Variants in DNA2 observed in about 807,000 individuals in gnomAD.
DNA2 encodes DNA replication ATP-dependent helicase/nuclease DNA2.
A neutral mutation model predicts 119.1 loss-of-function variants in DNA2; 101 were observed. The observed-to-expected ratio is 0.85, with a 90% CI of 0.72 to 1.00. The LOEUF (loss-of-function observed/expected upper bound fraction) is 1.00. DNA2 is among the 50% of genes least tolerant of loss of function. The probability of loss-of-function intolerance (pLI) is 0.00; values close to 1 mark genes in which losing one functional copy is unlikely to be tolerated. For missense variants in DNA2, 1,121 were observed against 1,255.5 expected, an observed-to-expected ratio of 0.89 and a Z score of 1.62; for synonymous variants, 366 against 424.4, an observed-to-expected ratio of 0.86 and a Z score of 1.69.
chr10:68,426,401 G>A (rs1294584606), intron 14 of DNA2, among the ~76,000 whole-genome samples: 2 of 151,948 alleles, frequency 1.3e-5, no homozygotes, highest in Non-Finnish European at 2.9e-5. Context: ...AGCCAGGTAT[G>A]GTGGCTCATG....
chr10:68,432,935 T>C (rs895467673), intron 10 of DNA2, among the ~76,000 whole-genome samples: 1 of 152,144 alleles, frequency 6.6e-6, no homozygotes, highest in South Asian at 2.1e-4. Flanking sequence ...TGGTTCATTG[T>C]ACTACTCTTT....
At chr10:68,448,974 T>C (rs984124237) in intron 6 of DNA2, among the ~76,000 whole-genome samples, 5 of 142,842 alleles carry the variant, frequency 3.5e-5, no homozygotes, top group African/African-American at 8.1e-5. Flanking sequence ...TGTGCGTGTG[T>C]GTGTGTGTGT....
Position 68,445,044 on chromosome 10 carries a change from A to C in DNA2, c.1097T>G (p.Phe366Cys). ...AGTAGCAGATTTGCTAATACGGTGA[A>C]ACAATGAGAATGCCATCTGGTTTCT... is the stretch of plus-strand genomic sequence containing the variant. The part of the protein sequence containing the change: ...KLRNQMAFSL[F>C]HRISKSATRQ... The change falls in exon 8 of 21, where the codon TTT becomes TGT. Residue 366 changes from phenylalanine to cysteine, a missense_variant. Physicochemically the swap from Phe to Cys is radical, Grantham distance 205 (BLOSUM62 -2). Transcript: ENST00000358410. The C allele has an allele frequency of 4.3e-6, 7 of 1,610,390 alleles. No homozygotes were observed. Among genetic ancestry groups the C allele is most frequent in the Non-Finnish European group, 5.9e-6 (7 of 1,178,150 alleles).
At chr10:68,442,400 T>G (rs779545679) in intron 9 of DNA2, among the ~76,000 whole-genome samples, 18 of 149,502 alleles carry the variant, frequency 1.2e-4, no homozygotes, top group Non-Finnish European at 2.2e-4. Context: ...TTGTTTTTGT[T>G]TTTTTGTGAC....
At chr10:68,456,050 C>T (rs968023880) in intron 5 of DNA2, among the ~76,000 whole-genome samples, 1 of 151,836 alleles carries the variant, frequency 6.6e-6, no homozygotes, top group African/African-American at 2.4e-5. Flanking sequence ...GGCAAAACAC[C>T]ATCTCTACAA....
At position 68,470,101 on chromosome 10, in the gene DNA2, C is replaced by T; in HGVS notation, c.137G>A (p.Arg46Gln). ...AGTATTGACTGCCAACACCAGGTAC[C>T]GGTTATCCATTCCTGTGCTCAGAAC... is the stretch of plus-strand genomic sequence containing the variant. ...RTVLSTGMDN[R>Q]YLVLAVNTVQ... The change falls in exon 2 of 21, where the codon CGG becomes CAG. Residue 46 changes from arginine to glutamine, a missense_variant. By Grantham distance (43) the Arg-to-Gln change is conservative. Transcript: ENST00000358410. The T allele has an allele frequency of 1.9e-6, 3 of 1,613,498 alleles. No individual in the cohort carries two copies. Among genetic ancestry groups the T allele is most frequent in the Non-Finnish European group, 2.5e-6 (3 of 1,179,792 alleles).
At chr10:68,424,631 C>T (rs1021952303) in intron 14 of DNA2, 5 of 1,574,180 alleles carry the variant, frequency 3.2e-6, no homozygotes, top group Admixed American at 1.7e-5. Flanking sequence ...CCCCCTTGCA[C>T]GTGCACCGGA....
chr10:68,441,355 A>G (rs983942194), intron 9 of DNA2, among the ~76,000 whole-genome samples: 3 of 147,418 alleles, frequency 2.0e-5, no homozygotes, highest in Non-Finnish European at 4.5e-5. Flanking sequence ...AAAAAAAAAA[A>G]GAAAAATTCT....
upstream of DNA2, chr10:68,472,064 G>T: frequency 6.3e-7 from 1 of 1,593,722 alleles, no homozygotes; most frequent in East Asian, 2.3e-5. Context: ...CTGAGCAGCA[G>T]GGCTCTGTCC....
At chr10:68,418,343 C>T (rs7899060) in intron 19 of DNA2, among the ~76,000 whole-genome samples, 8,677 of 148,652 alleles carry the variant, frequency 0.058, 802 homozygotes, top group African/African-American at 0.2. Flanking sequence ...ACCTGGGAGG[C>T]GAAGGTTGCA....
At position 68,424,584 on chromosome 10, in the gene DNA2, T is replaced by C. The variant is rs61732686; in HGVS notation, c.2209-1694A>G. ...CATGAAGTTCAATCCCTTCGTGAAC[T>C]TGGACCGCAGCAAAAACCGCAAACG... On this transcript the variant is annotated intron_variant, in intron 14 of 20. Transcript: ENST00000358410. The C allele has an allele frequency of 0.014, 15,314 of 1,088,068 alleles. 1,272 individuals carry two copies. In the African/African-American group the frequency reaches 0.19, roughly 14 times the overall value. 67.4% of individuals were successfully genotyped at this position (1,088,068 alleles called of 1,614,324 possible). A position where few individuals can be genotyped will look rare whatever the true frequency, so the allele number is the denominator to read the frequency against.
chr10:68,418,239 C>A lies in DNA2; in HGVS notation c.2967+795G>T, dbSNP rs1366042387. On this transcript the variant is annotated intron_variant, in intron 19 of 20. Coordinates refer to ENST00000358410, the MANE Select transcript of DNA2 (RefSeq NM_001080449.3). ...GACCAGCCTGGACAAGATGGTGAAA[C>A]CCCATCTCTAGAAAAGTACAAAAAT... Among the ~76,000 whole-genome samples the A allele has an allele frequency of 2.0e-5, 3 of 151,898 alleles. No individual in the cohort carries two copies. In the East Asian group the frequency reaches 5.8e-4, roughly 29 times the overall value.
chr10:68,435,179 C>T (rs1179648198), intron 10 of DNA2, among the ~76,000 whole-genome samples: 7 of 151,962 alleles, frequency 4.6e-5, no homozygotes, highest in Non-Finnish European at 1.0e-4. Context: ...TCGGCCTCCA[C>T]AGTACCTGGG....
At chr10:68,433,974 C>A (rs1240737083) in intron 10 of DNA2, among the ~76,000 whole-genome samples, 3 of 152,164 alleles carry the variant, frequency 2.0e-5, no homozygotes, top group African/African-American at 7.2e-5. Context: ...AGAATTAGCT[C>A]TTCGAAAAGG....
intron 17 of DNA2, 32 bp downstream of exon 17, chr10:68,422,193 G>A (rs1367259512): frequency 1.4e-6 from 2 of 1,456,350 alleles, no homozygotes; most frequent in African/African-American, 1.5e-5. Context: ...AGGACAAAAT[G>A]AGAAAAACTA....
At chr10:68,428,011 C>T (rs144458139) in intron 14 of DNA2, among the ~76,000 whole-genome samples, 1 of 142,016 alleles carries the variant, frequency 7.0e-6, no homozygotes, top group Non-Finnish European at 1.5e-5. Flanking sequence ...CCAGCCTGGG[C>T]GCCAGAGCCA....
chr10:68,416,966 A>G, intron 19 of DNA2, 111 bp from the exon 20 acceptor site: 3 of 912,564 alleles, frequency 3.3e-6, no homozygotes, highest in Non-Finnish European at 3.2e-6. Context: ...GAATGAGGCC[A>G]GGTGTAGTGG....
At chr10:68,418,963 G>A (rs1193532171) in intron 19 of DNA2, 71 bp downstream of exon 19, 10 of 1,425,540 alleles carry the variant, frequency 7.0e-6, no homozygotes, top group African/African-American at 2.9e-5. Context: ...GTGAGCCACC[G>A]CGCCCGGCCC....
intron 10 of DNA2, among the ~76,000 whole-genome samples, chr10:68,434,810 C>T (rs1402405046): frequency 6.6e-6 from 1 of 152,188 alleles, no homozygotes; most frequent in Non-Finnish European, 1.5e-5. Context: ...CATGTCATGA[C>T]ATCTAGACAA....
Sources: gnomAD v4.1 joint callset for allele counts (sites outside exome capture counted in the v4.1 genomes callset) on GRCh38, gnomAD v4.1.1 for gene constraint, MANE v1.5 for transcripts, NCBI Gene and HGNC (gene_info 2026-07-23, HGNC 2026-07-21) for gene names.